TULP3: variants seen among roughly 807,000 people sequenced by gnomAD.
The protein encoded by TULP3 is tubby-related protein 3.
In TULP3, 38 loss-of-function variants were observed where a neutral mutation model predicts 50.7. The ratio of observed to expected loss-of-function variants is 0.75; its 90% confidence interval spans 0.58 to 0.98. TULP3 has a LOEUF of 0.98. TULP3 is among the 50% of genes least tolerant of loss of function. TULP3 has a pLI of 0.00. For missense variants in TULP3, 550 were observed against 568.0 expected, an observed-to-expected ratio of 0.97 and a Z score of 0.32; for synonymous variants, 183 against 196.6, an observed-to-expected ratio of 0.93 and a Z score of 0.58.
chr12:2,900,013 G>A (rs768093465), intron 1 of TULP3, among the ~76,000 whole-genome samples: 11 of 151,776 alleles, frequency 7.2e-5, no homozygotes, highest in South Asian at 4.1e-4. Flanking sequence ...TCACGAGTTC[G>A]AGACTAGCCT....
At chr12:2,922,656 G>A (rs1211616239) in intron 4 of TULP3, among the ~76,000 whole-genome samples, 3 of 152,088 alleles carry the variant, frequency 2.0e-5, no homozygotes, top group Non-Finnish European at 4.4e-5. Context: ...GGCCATAGAT[G>A]ACTGTTTGTT....
chr12:2,907,153 C>A (rs2098182776), intron 1 of TULP3, among the ~76,000 whole-genome samples: 1 of 151,996 alleles, frequency 6.6e-6, no homozygotes, highest in East Asian at 1.9e-4. Flanking sequence ...GCCTGGCCAA[C>A]ATGGCAAAAC....
intron 4 of TULP3, among the ~76,000 whole-genome samples, chr12:2,924,484 C>T (rs2098193580): frequency 6.6e-6 from 1 of 151,058 alleles, no homozygotes; most frequent in South Asian, 2.1e-4. Context: ...TCAGGACCAG[C>T]CAGGGCAACA....
chr12:2,913,086 T>C (rs938689552), intron 2 of TULP3, among the ~76,000 whole-genome samples: 9 of 151,578 alleles, frequency 5.9e-5, no homozygotes, highest in Middle Eastern at 3.4e-3. Flanking sequence ...TTTTTCCACA[T>C]TCTTACCAAC....
chr12:2,908,459 G>A (rs528385560), intron 1 of TULP3, among the ~76,000 whole-genome samples: 1 of 152,234 alleles, frequency 6.6e-6, no homozygotes, highest in South Asian at 2.1e-4. Flanking sequence ...TTGAGCCATA[G>A]TCTCACCCTG....
intron 10 of TULP3, among the ~76,000 whole-genome samples, 174 bp downstream of exon 10, chr12:2,938,459 G>A (rs1313818906): frequency 1.3e-5 from 2 of 152,140 alleles, no homozygotes; most frequent in Non-Finnish European, 2.9e-5. Context: ...GTAAATCACT[G>A]TGTTGAGGAG....
At chr12:2,935,385 T>C (rs1182214595) in intron 8 of TULP3, among the ~76,000 whole-genome samples, 1 of 152,220 alleles carries the variant, frequency 6.6e-6, no homozygotes, top group African/African-American at 2.4e-5. Context: ...AACCCACATG[T>C]ATTTGTTATT....
At chr12:2,919,152 A>G (rs2098190349) in intron 2 of TULP3, among the ~76,000 whole-genome samples, 2 of 152,110 alleles carry the variant, frequency 1.3e-5, no homozygotes, top group Admixed American at 6.6e-5. Flanking sequence ...TCTGCCTCCC[A>G]AAGTGTTGGG....
At chr12:2,937,598 T>G in intron 8 of TULP3, 33 bp from the exon 9 acceptor site, 3 of 1,518,650 alleles carry the variant, frequency 2.0e-6, no homozygotes, top group Non-Finnish European at 2.7e-6. Context: ...TTTTTCCTGT[T>G]TCCAAGTTCT....
intron 2 of TULP3, among the ~76,000 whole-genome samples, chr12:2,911,184 C>A (rs1418925388): frequency 6.6e-6 from 1 of 151,228 alleles, no homozygotes; most frequent in African/African-American, 2.4e-5. Context: ...CTTTTGTAAG[C>A]CTTTTTGTAG....
intron 4 of TULP3, among the ~76,000 whole-genome samples, chr12:2,924,943 C>T (rs925523207): frequency 2.6e-5 from 4 of 152,042 alleles, no homozygotes; most frequent in South Asian, 2.1e-4. Flanking sequence ...TTTGGGAGGC[C>T]GACACGGGCG....
chr12:2,893,364 C>T (rs1334283823), intron 1 of TULP3, among the ~76,000 whole-genome samples: 1 of 143,054 alleles, frequency 7.0e-6, no homozygotes, highest in South Asian at 2.3e-4. Flanking sequence ...GTTTCGCTCT[C>T]GTCGCCCAGG....
In TULP3 at chr12:2,934,440, A is replaced by T; in HGVS notation, c.810-7A>T. ...ATCATCATGGTGACTTTTTCTCCTG[A>T]CTCCAGATCCAACCTCATGGGGACC... On this transcript the variant is annotated splice_polypyrimidine_tract_variant and splice_region_variant and intron_variant, in intron 7 of 10. Coordinates refer to ENST00000448120, the MANE Select transcript of TULP3 (RefSeq NM_003324.5). The T allele has an allele frequency of 6.5e-7, 1 of 1,540,174 alleles. No homozygotes were observed. The highest frequency in any genetic ancestry group is 2.1e-5 in the Admixed American group (1 of 46,984).
chr12:2,906,929 AT>A (rs2098182644), intron 1 of TULP3, among the ~76,000 whole-genome samples: 1 of 151,972 alleles, frequency 6.6e-6, no homozygotes, highest in African/African-American at 2.4e-5. Flanking sequence ...AAATAAGTAA[AT>A]AAATAAATAA....
In TULP3 at chr12:2,931,098, T is replaced by C. The variant is rs1320272012; in HGVS notation, c.554T>C (p.Ile185Thr). 6.2e-6 allele frequency: 10 copies of C among 1,614,046 alleles called. No homozygotes were observed. Among genetic ancestry groups the C allele is most frequent in the South Asian group, 1.1e-5 (1 of 91,092 alleles). ...AQPADNLLGD[I>T]DDLEDFVYSP... is the part of the protein sequence containing the mutation. ...CCAGCTGATAACCTCCTGGGAGACA[T>C]AGACGACCTGGAGGACTTTGTGTAT... The change falls in exon 6 of 11, where the codon ATA (isoleucine) becomes ACA (threonine). Residue 185 changes from isoleucine to threonine, a missense_variant. Physicochemically the swap from Ile to Thr is moderately conservative, Grantham distance 89. Transcript: ENST00000448120.
intron 4 of TULP3, among the ~76,000 whole-genome samples, chr12:2,924,897 G>T (rs959768984): frequency 6.6e-6 from 1 of 151,922 alleles, no homozygotes; most frequent in Non-Finnish European, 1.5e-5. Flanking sequence ...AAAAAATAGG[G>T]CTGGGCGCTA....
chr12:2,939,605 C>T lies in TULP3; in HGVS notation c.*161C>T. 2 of 1,219,332 alleles carry T rather than the reference C, an allele frequency of 1.6e-6. No homozygotes were observed. Among genetic ancestry groups the T allele is most frequent in the South Asian group, 1.7e-5 (1 of 59,370 alleles). The allele number at this position is 1,219,332 out of a possible 1,614,324, so 75.5% of individuals were successfully genotyped here. A position where few individuals can be genotyped will look rare whatever the true frequency, so the allele number is the denominator to read the frequency against. ...CACACACACAAAGAGCAATAGTTTG[C>T]CCCTTTTGGAACGACCCCTGAATAT... On this transcript the variant is annotated 3_prime_UTR_variant, in exon 11 of 11. Coordinates refer to ENST00000448120, the MANE Select transcript of TULP3 (RefSeq NM_003324.5). The surrounding 1 kb of genome is among the most constrained non-coding windows in gnomAD (Gnocchi z 4.0).
At chr12:2,926,862 G>A (rs1302820181) in intron 4 of TULP3, among the ~76,000 whole-genome samples, 1 of 152,164 alleles carries the variant, frequency 6.6e-6, no homozygotes, top group African/African-American at 2.4e-5. Flanking sequence ...AACAGACATC[G>A]CGCCATTGCA....
At chr12:2,894,308 G>A (rs866086816) in intron 1 of TULP3, among the ~76,000 whole-genome samples, 1 of 137,632 alleles carries the variant, frequency 7.3e-6, no homozygotes, top group African/African-American at 2.8e-5. Flanking sequence ...GGCGGGGGGG[G>A]GGAAATCACC....
Sources: allele counts gnomAD v4.1 joint callset (sites outside exome capture counted in the v4.1 genomes callset), GRCh38; gene constraint gnomAD v4.1.1; non-coding constraint Gnocchi (gnomAD v3.1); transcripts MANE v1.5; gene names NCBI Gene and HGNC (gene_info 2026-07-23, HGNC 2026-07-21).